GABRG2: variants seen among roughly 807,000 people sequenced by gnomAD.
The protein encoded by GABRG2 is gamma-aminobutyric acid receptor subunit gamma-2.
GABRG2 carries 16 observed loss-of-function variants against 56.4 expected under a neutral mutation model. The observed-to-expected ratio is 0.28, with a 90% CI of 0.19 to 0.43. The LOEUF (loss-of-function observed/expected upper bound fraction) is 0.43, where lower values mean the gene tolerates loss of function less well. Among genes scored for constraint, GABRG2 ranks in the 20% least tolerant of loss-of-function variants. The pLI is 1.00. For synonymous variants in GABRG2, 208 were observed against 205.5 expected (o/e 1.01, Z -0.10); for missense variants, 327 against 582.7 (o/e 0.56, Z 4.52).
At chr5:162,133,838 G>C (rs557916655) in intron 6 of GABRG2, among the ~76,000 whole-genome samples, 17 of 152,070 alleles carry the variant, frequency 1.1e-4, no homozygotes, top group Non-Finnish European at 2.1e-4. Flanking sequence ...ACATTTGGAG[G>C]CTTTGCAAAT....
chr5:162,146,715 A>AT (rs1764975153), intron 7 of GABRG2, among the ~76,000 whole-genome samples: 1 of 152,172 alleles, frequency 6.6e-6, no homozygotes, highest in Admixed American at 6.5e-5. Flanking sequence ...AGAAAGGGAG[A>AT]TTGGTTATTA....
chr5:162,145,659 C>A (rs1282069273), intron 7 of GABRG2, among the ~76,000 whole-genome samples: 2 of 152,174 alleles, frequency 1.3e-5, no homozygotes, highest in Non-Finnish European at 2.9e-5. Flanking sequence ...TAACATTTTC[C>A]CAATTTGCTG....
chr5:162,131,445 G>T (rs1455486784), intron 6 of GABRG2, among the ~76,000 whole-genome samples: 2 of 151,950 alleles, frequency 1.3e-5, no homozygotes, highest in African/African-American at 4.8e-5. Context: ...ATATTACTTA[G>T]AAACATCACT....
At chr5:162,152,678 A>C (rs941950613) in intron 9 of GABRG2, 1 of 373,702 alleles carries the variant, frequency 2.7e-6, no homozygotes, top group Admixed American at 4.3e-5. Flanking sequence ...ATAACTAAGC[A>C]TGACACAATA....
chr5:162,117,013 A>G (rs387556), intron 6 of GABRG2, among the ~76,000 whole-genome samples: 50,834 of 151,908 alleles, frequency 0.33, 8,927 homozygotes, highest in East Asian at 0.6. Context: ...ATACTGCCCA[A>G]GAATGAAAAT....
At chr5:162,146,168 C>T (rs1308628605) in intron 7 of GABRG2, among the ~76,000 whole-genome samples, 1 of 152,012 alleles carries the variant, frequency 6.6e-6, no homozygotes, top group African/African-American at 2.4e-5. Context: ...TATCACCTCC[C>T]CAGTCAGGAA....
At chr5:162,089,114 G>A (rs774430126) in intron 1 of GABRG2, among the ~76,000 whole-genome samples, 8 of 152,088 alleles carry the variant, frequency 5.3e-5, no homozygotes, top group Non-Finnish European at 7.4e-5. Context: ...TGGTCTCTAC[G>A]ATGGGATGTT....
intron 6 of GABRG2, among the ~76,000 whole-genome samples, chr5:162,130,232 G>A (rs558693835): frequency 5.7e-4 from 86 of 151,950 alleles, no homozygotes; most frequent in East Asian, 4.1e-3. Flanking sequence ...GTTGAAAATC[G>A]AGTGCTTGAG....
intron 6 of GABRG2, among the ~76,000 whole-genome samples, chr5:162,105,432 C>A (rs200268576): frequency 9.6e-6 from 1 of 104,114 alleles, no homozygotes; most frequent in Admixed American, 1.3e-4. Context: ...GTAGAACAAT[C>A]TTTTTTTTTT....
chr5:162,130,747 C>T (rs910339993), intron 6 of GABRG2, among the ~76,000 whole-genome samples: 2 of 151,824 alleles, frequency 1.3e-5, no homozygotes, highest in African/African-American at 2.4e-5. Context: ...TTGTAGGATT[C>T]GTTTTTATTT....
Position 162,151,593 on chromosome 5 carries a change from A to G in GABRG2, c.1129-137A>G, listed in dbSNP as rs574546726. On this transcript the variant is annotated intron_variant, in intron 8 of 9. Transcript: ENST00000639213. ...AGCTCAGAACTCTCCTTCTGTGTTT[A>G]TAATTTCAGTTCATTTCACTTACTG... 79 of 732,908 alleles carry G rather than the reference A, an allele frequency of 1.1e-4. No homozygotes were observed. The East Asian group carries it at 2.1e-3, about 19-fold the overall frequency. 45.4% of individuals were successfully genotyped at this position (732,908 alleles called of 1,614,324 possible).
intron 1 of GABRG2, among the ~76,000 whole-genome samples, chr5:162,090,325 C>CA (rs1554097406): frequency 2.0e-5 from 3 of 150,832 alleles, no homozygotes; most frequent in African/African-American, 7.3e-5. Context: ...CATACACATA[C>CA]CATACACATA....
At chr5:162,130,757 T>C (rs1763685548) in intron 6 of GABRG2, among the ~76,000 whole-genome samples, 1 of 151,988 alleles carries the variant, frequency 6.6e-6, no homozygotes, top group Non-Finnish European at 1.5e-5. Context: ...CGTTTTTATT[T>C]ACAGCTGGGA....
rs189860348 is a variant in GABRG2 at position 162,099,786 on chromosome 5, G to C, written c.549-1449G>C. On this transcript the variant is annotated intron_variant, in intron 4 of 9. Coordinates refer to ENST00000639213, the MANE Select transcript of GABRG2 (RefSeq NM_198904.4). Reference sequence around the variant, plus strand: ...ACTAATGGAGATTCAATCAAAGCTTGAATGGTTACCAGTCTACATAGAGAG... The same window carrying C: ...ACTAATGGAGATTCAATCAAAGCTTCAATGGTTACCAGTCTACATAGAGAG... 4 of 152,266 alleles carry C rather than the reference G, an allele frequency of 2.6e-5. No individual in the cohort carries two copies. In the East Asian group the frequency reaches 5.8e-4, roughly 22 times the overall value. 9.4% of individuals were successfully genotyped at this position (152,266 alleles called of 1,614,324 possible).
chr5:162,088,224 G>C (rs1477427608), intron 1 of GABRG2, among the ~76,000 whole-genome samples: 2 of 152,228 alleles, frequency 1.3e-5, no homozygotes, highest in Non-Finnish European at 2.9e-5. Context: ...CTCCTGGATA[G>C]TACTGAGTGG....
At chr5:162,139,113 G>A (rs752079712) in intron 6 of GABRG2, among the ~76,000 whole-genome samples, 6 of 151,942 alleles carry the variant, frequency 3.9e-5, no homozygotes, top group Non-Finnish European at 8.8e-5. Context: ...CAAATTATAT[G>A]TCTCCGCTCT....
chr5:162,083,205 G>A (rs965596089), intron 1 of GABRG2, among the ~76,000 whole-genome samples: 2 of 151,572 alleles, frequency 1.3e-5, no homozygotes, highest in Admixed American at 6.6e-5. Context: ...TTCATTTCCT[G>A]TCACCATAGA....
In GABRG2 at chr5:162,155,358, A is replaced by C. The variant is rs1230619388; in HGVS notation, c.*1990A>C. On this transcript the variant is annotated 3_prime_UTR_variant, in exon 10 of 10. Coordinates refer to ENST00000639213, the MANE Select transcript of GABRG2 (RefSeq NM_198904.4). ...ATGTGTTCTGTAATGGGGACACTAC[A>C]AAAAGCTAGCTTTCCAATGTGTGCA... 1 of 152,520 alleles carries C rather than the reference A, an allele frequency of 6.6e-6. No individual in the cohort carries two copies. The highest frequency in any genetic ancestry group is 1.5e-5 in the Non-Finnish European group (1 of 68,002). 9.4% of individuals were successfully genotyped at this position (152,520 alleles called of 1,614,324 possible).
chr5:162,147,428 G>A (rs146216025), intron 7 of GABRG2, among the ~76,000 whole-genome samples: 3 of 151,190 alleles, frequency 2.0e-5, no homozygotes, highest in Non-Finnish European at 4.4e-5. Context: ...GCAATGCCAC[G>A]ATTTCAGCTC....
Sources: allele counts gnomAD v4.1 joint callset (sites outside exome capture counted in the v4.1 genomes callset), GRCh38; gene constraint gnomAD v4.1.1; transcripts MANE v1.5; gene names NCBI Gene and HGNC (gene_info 2026-07-23, HGNC 2026-07-21).